Variants in TSC2 observed in about 807,000 individuals in gnomAD.
TSC2 encodes the protein tuberin.
A neutral mutation model predicts 202.2 loss-of-function variants in TSC2; 29 were observed. The ratio of observed to expected loss-of-function variants is 0.14; its 90% CI spans 0.11 to 0.20. The LOEUF is 0.20. TSC2 is among the 10% of genes least tolerant of loss of function. The pLI is 1.00. For synonymous variants in TSC2, 1,349 were observed against 1,044.0 expected (o/e 1.29, Z -5.63); for missense variants, 2,429 against 2,420.0 (o/e 1.00, Z -0.08).
At chr16:2,077,078 C>T (rs2051475372) in intron 25 of TSC2, among the ~76,000 whole-genome samples, 1 of 152,258 alleles carries the variant, frequency 6.6e-6, no homozygotes, top group Non-Finnish European at 1.5e-5. Context: ...CGGCATTTTC[C>T]AGCGTGACCT....
At chr16:2,057,290 C>A in intron 9 of TSC2, 112 bp downstream of exon 9, 1 of 1,297,208 alleles carries the variant, frequency 7.7e-7, no homozygotes, top group Non-Finnish European at 1.1e-6. Flanking sequence ...TCCTCTCGGG[C>A]AGCTGTTCCA....
rs571535373 is a variant in TSC2, at chr16:2,073,209, C to T, written c.2355+226C>T. Among the ~76,000 whole-genome samples the T allele has an allele frequency of 4.5e-4, 69 of 152,336 alleles. 1 individual carries two copies. The highest frequency in any genetic ancestry group is 1.6e-3 in the African/African-American group (68 of 41,574). On this transcript the variant is annotated intron_variant, in intron 21 of 41. Coordinates refer to ENST00000219476, the MANE Select transcript of TSC2 (RefSeq NM_000548.5). ...TGGGAGCCATCCAGTGTTCCCTGTC[C>T]ACCCCGGACAGCATCTCTGCTCTCT...
chr16:2,089,156 A>T lies in TSC2; in HGVS notation c.*546A>T, dbSNP rs974154277. On this transcript the variant is annotated 3_prime_UTR_variant, in exon 42 of 42. Coordinates refer to ENST00000219476, the MANE Select transcript of TSC2 (RefSeq NM_000548.5). ...GCATCCAAGCAGCAGCCGGGCTGCC[A>T]TAACGCCACCACACCTACCAAGCGC... 1.2e-5 allele frequency: 2 copies of T among 170,946 alleles called. No homozygotes were observed. The highest frequency in any genetic ancestry group is 4.8e-5 in the African/African-American group (2 of 41,818). 10.6% of individuals were successfully genotyped at this position (170,946 alleles called of 1,614,324 possible).
chr16:2,054,506 G>A, intron 5 of TSC2, 66 bp downstream of exon 5: 1 of 1,609,150 alleles, frequency 6.2e-7, no homozygotes, highest in Non-Finnish European at 8.5e-7. Context: ...GGATGGGAAG[G>A]ACCTGGGGCT....
rs1490177129 is a variant in TSC2, at chr16:2,074,409, G to C, written c.2545+20G>C. 1 of 1,607,142 alleles carries C rather than the reference G, an allele frequency of 6.2e-7. No individual in the cohort carries two copies. The highest frequency in any genetic ancestry group is 1.3e-5 in the African/African-American group (1 of 75,044). ...TGTCCAGTGAGTCCCCGCCCTGCCT[G>C]CGCATGCACCCGAGAGGTTCGGGCT... On this transcript the variant is annotated intron_variant, in intron 22 of 41. Coordinates refer to ENST00000219476, the MANE Select transcript of TSC2 (RefSeq NM_000548.5).
intron 12 of TSC2, 91 bp downstream of exon 12, chr16:2,062,099 G>A: frequency 1.9e-6 from 3 of 1,575,710 alleles, no homozygotes; most frequent in Non-Finnish European, 2.6e-6. Flanking sequence ...AGCCTCAGAA[G>A]CCAAGGGCCA....
chr16:2,065,412 CAAAAAAAAAAAAAAAA>C (rs369052665), intron 15 of TSC2, 91 bp from the exon 16 acceptor site: 6 of 420,700 alleles, frequency 1.4e-5, no homozygotes, highest in Non-Finnish European at 2.6e-5. Flanking sequence ...GACTCGATCT[CAAAAAAAAAAAAAAAA>C]AAAAAAAAGG....
intron 26 of TSC2, 114 bp downstream of exon 26, chr16:2,077,840 G>T: frequency 3.2e-6 from 5 of 1,556,766 alleles, no homozygotes; most frequent in Non-Finnish European, 4.4e-6. Context: ...TGTCCTCCCT[G>T]GCCAGCCCAG....
At chr16:2,081,150 T>G in intron 30 of TSC2, 2 of 269,744 alleles carry the variant, frequency 7.4e-6, no homozygotes, top group Non-Finnish European at 1.5e-5. Flanking sequence ...GTTCCTGGGG[T>G]TGGGACTAAA....
rs936484229 is a variant in TSC2, at chr16:2,074,309, C to T, written c.2465C>T (p.Ala822Val). Residue 822 changes from alanine (A) to valine (V), a missense_variant, in exon 22 of 42, where the codon GCG becomes GTG. Coordinates refer to ENST00000219476, the MANE Select transcript of TSC2 (RefSeq NM_000548.5). ...SVEMPDIIIK[A>V]LPVLVVKLTH... The stretch of plus-strand genomic sequence containing the variant: ...GAGATGCCTGACATCATCATCAAGG[C>T]GCTGCCTGTTCTGGTGGTGAAGCTC... The T allele has an allele frequency of 2.5e-6, 4 of 1,613,030 alleles. No individual in the cohort carries two copies. Among genetic ancestry groups the T allele is most frequent in the Non-Finnish European group, 3.4e-6 (4 of 1,180,046 alleles).
At chr16:2,048,218 G>A (rs2084598153) in intron 1 of TSC2, 153 bp downstream of exon 1, 1 of 1,477,836 alleles carries the variant, frequency 6.8e-7, no homozygotes, top group Non-Finnish European at 9.3e-7. Flanking sequence ...AAGTCATGGC[G>A]GGTGCGAACG....
At chr16:2,071,110 T>C (rs2088288461) in intron 17 of TSC2, among the ~76,000 whole-genome samples, 2 of 152,310 alleles carry the variant, frequency 1.3e-5, no homozygotes. Flanking sequence ...GCAGGTGCTC[T>C]CTGGGGCCAC....
At chr16:2,080,413 G>A in intron 30 of TSC2, 36 bp downstream of exon 30, 1 of 1,604,730 alleles carries the variant, frequency 6.2e-7, no homozygotes, top group Non-Finnish European at 8.5e-7. Flanking sequence ...CCATCTTTCT[G>A]CCAGTCACCC....
chr16:2,058,604 G>A (rs912895307), intron 9 of TSC2, 143 bp from the exon 10 acceptor site: 4 of 1,283,550 alleles, frequency 3.1e-6, no homozygotes, highest in Non-Finnish European at 4.3e-6. Flanking sequence ...TCTGTTCCCT[G>A]CCCTTCCCCA....
intron 22 of TSC2, 48 bp downstream of exon 22, chr16:2,074,437 G>T: frequency 1.3e-6 from 2 of 1,599,970 alleles, no homozygotes. Flanking sequence ...TTCGGGCTGT[G>T]TAACCTGTGC....
At position 2,062,777 on chromosome 16, in the gene TSC2, C is replaced by A. The variant is rs563787926; in HGVS notation, c.1361+177C>A. On this transcript the variant is annotated intron_variant, in intron 13 of 41. Transcript: ENST00000219476. ...TGCTTTCCAGTCCAGCAGGACAGGT[C>A]CTCTCATGACGCCACTGGGCTCCCT... 168 of 882,526 alleles carry A rather than the reference C, an allele frequency of 1.9e-4. 1 individual carries two copies. The African/African-American group carries it at 2.6e-3, about 14-fold the overall frequency. The allele number at this position is 882,526 out of a possible 1,614,324, so 54.7% of individuals were successfully genotyped here.
chr16:2,066,727 C>T (rs1312102068), intron 16 of TSC2, among the ~76,000 whole-genome samples: 1 of 134,464 alleles, frequency 7.4e-6, no homozygotes, highest in Non-Finnish European at 1.5e-5. Context: ...GTGGCGCGAT[C>T]TTGGCTCACT....
Position 2,073,052 on chromosome 16 carries a change from C to T in TSC2, c.2355+69C>T. ...ATTCGAGGGCCTGGCCCAGGTAGGCCCCACATTTTTCTCATAAACGAGTTT... is the reference window on the plus strand; with the variant it reads ...ATTCGAGGGCCTGGCCCAGGTAGGCTCCACATTTTTCTCATAAACGAGTTT... On this transcript the variant is annotated intron_variant, in intron 21 of 41. Coordinates refer to ENST00000219476, the MANE Select transcript of TSC2 (RefSeq NM_000548.5). 5 of 1,608,312 alleles carry T rather than the reference C, an allele frequency of 3.1e-6. 1 individual carries two copies. The Middle Eastern group carries it at 6.8e-4, about 218-fold the overall frequency.
intron 18 of TSC2, 47 bp downstream of exon 18, chr16:2,071,663 G>A (rs2151300760): frequency 6.2e-7 from 1 of 1,610,570 alleles, no homozygotes; most frequent in South Asian, 1.1e-5. Flanking sequence ...GGCGTCAGAG[G>A]CGCTGGGGCT....
Sources: gnomAD v4.1 joint callset for allele counts (sites outside exome capture counted in the v4.1 genomes callset) on GRCh38, gnomAD v4.1.1 for gene constraint, MANE v1.5 for transcripts, NCBI Gene and HGNC (gene_info 2026-07-23, HGNC 2026-07-21) for gene names.